FCF1: variants seen among roughly 807,000 people sequenced by gnomAD.
FCF1 encodes the protein FCF1 rRNA-processing protein, also known as rRNA-processing protein FCF1 homolog.
FCF1 carries 17 observed loss-of-function variants against 32.5 expected under a neutral mutation model. The ratio of observed to expected loss-of-function variants is 0.52; its 90% CI spans 0.36 to 0.78. FCF1 has a LOEUF of 0.78. Ranked by LOEUF, FCF1 falls within the 30% of genes least tolerant of loss-of-function variation. The pLI, the probability that FCF1 is intolerant of heterozygous loss-of-function variation, is 0.00. For synonymous variants in FCF1, 84 were observed against 78.4 expected (o/e 1.07, Z -0.38); for missense variants, 201 against 241.1 (o/e 0.83, Z 1.10).
intron 5 of FCF1, among the ~76,000 whole-genome samples, chr14:74,726,969 G>T (rs2090585155): frequency 6.6e-6 from 1 of 151,974 alleles, no homozygotes. Flanking sequence ...GTATTCCATG[G>T]TGTATATGTG....
chr14:74,727,847 C>T (rs2090593774), intron 5 of FCF1, among the ~76,000 whole-genome samples: 1 of 152,060 alleles, frequency 6.6e-6, no homozygotes, highest in Non-Finnish European at 1.5e-5. Flanking sequence ...TTTCCCAGCA[C>T]CATTTATTAA....
Position 74,713,197 on chromosome 14 carries a change from C to T in FCF1, c.-1C>T. The T allele has an allele frequency of 2.5e-6, 4 of 1,614,170 alleles. No individual in the cohort carries two copies. The highest frequency in any genetic ancestry group is 3.4e-6 in the Non-Finnish European group (4 of 1,180,048). ...GGAAGAACCAGGAGTTTGGCGTGAC[C>T]ATGGTGAGAGAAGACGGTCCAAGAA... On this transcript the variant is annotated 5_prime_UTR_variant, in exon 1 of 8. Coordinates refer to ENST00000341162, the MANE Select transcript of FCF1 (RefSeq NM_015962.5).
chr14:74,717,618 G>A (rs2090438824), intron 4 of FCF1, among the ~76,000 whole-genome samples: 1 of 152,204 alleles, frequency 6.6e-6, no homozygotes, highest in Non-Finnish European at 1.5e-5. Context: ...CTCTAAGAAT[G>A]AGGCTTGGGT....
intron 5 of FCF1, among the ~76,000 whole-genome samples, chr14:74,730,303 C>T (rs2090618573): frequency 6.7e-6 from 1 of 150,178 alleles, no homozygotes. Flanking sequence ...GCCTTGACCT[C>T]TCCGGCTCAA....
At chr14:74,724,911 AAAAG>A (rs1594787034) in intron 5 of FCF1, among the ~76,000 whole-genome samples, 1 of 152,122 alleles carries the variant, frequency 6.6e-6, no homozygotes, top group Middle Eastern at 3.2e-3. Context: ...TCTCAAAAAA[AAAAG>A]AAAGAAATTA....
chr14:74,723,800 C>T (rs1451968572), intron 5 of FCF1, among the ~76,000 whole-genome samples: 2 of 149,204 alleles, frequency 1.3e-5, no homozygotes, highest in Non-Finnish European at 3.0e-5. Flanking sequence ...TGCACTCCAG[C>T]CTGGGCAACA....
intron 5 of FCF1, among the ~76,000 whole-genome samples, chr14:74,729,485 TTCTG>T (rs2090608577): frequency 6.6e-6 from 1 of 152,226 alleles, no homozygotes; most frequent in Non-Finnish European, 1.5e-5. Flanking sequence ...TATTTGATTC[TTCTG>T]TCTTTTTTTC....
intron 6 of FCF1, 91 bp downstream of exon 6, chr14:74,732,909 A>C (rs538279081): frequency 1.3e-5 from 10 of 741,928 alleles, no homozygotes; most frequent in Non-Finnish European, 2.2e-5. Flanking sequence ...TAAAACATCT[A>C]GGAATATACA....
At chr14:74,723,443 T>C (rs1052708581) in intron 5 of FCF1, 99 bp downstream of exon 5, 9 of 858,678 alleles carry the variant, frequency 1.0e-5, no homozygotes, top group African/African-American at 7.0e-5. Flanking sequence ...GTGAAAATCA[T>C]ACAAAACTAT....
chr14:74,722,634 T>G (rs931591578), intron 4 of FCF1, among the ~76,000 whole-genome samples: 1 of 152,060 alleles, frequency 6.6e-6, no homozygotes, highest in African/African-American at 2.4e-5. Context: ...TGGTTCACAT[T>G]TAAATTTTAT....
chr14:74,729,847 C>T (rs528192284), intron 5 of FCF1, among the ~76,000 whole-genome samples: 15 of 152,228 alleles, frequency 9.9e-5, no homozygotes, highest in Non-Finnish European at 1.9e-4. Flanking sequence ...TTTCTGCCTT[C>T]ATTTCGTTAT....
At chr14:74,715,457 C>T (rs2090405591) in intron 3 of FCF1, among the ~76,000 whole-genome samples, 2 of 152,064 alleles carry the variant, frequency 1.3e-5, no homozygotes, top group South Asian at 4.1e-4. Context: ...TGATCCATGG[C>T]CTAGCATTTG....
chr14:74,734,270 T>C, intron 7 of FCF1, 100 bp downstream of exon 7: 1 of 683,774 alleles, frequency 1.5e-6, no homozygotes, highest in Non-Finnish European at 2.5e-6. Context: ...AAAGAAATTA[T>C]TGTATCAAAT....
chr14:74,734,504 A>T (rs2090680023), intron 7 of FCF1, among the ~76,000 whole-genome samples: 1 of 149,172 alleles, frequency 6.7e-6, no homozygotes, highest in Non-Finnish European at 1.5e-5. Context: ...TCATCTGAGA[A>T]ATGGAAAGCT....
Position 74,715,293 on chromosome 14 carries a change from ATTTATATAAAGATATGACC to A in FCF1, c.143+366_143+384del, listed in dbSNP as rs1313403919. Among the ~76,000 whole-genome samples, 5 of 152,174 alleles carry A rather than the reference ATTTATATAAAGATATGACC, an allele frequency of 3.3e-5. No individual in the cohort carries two copies. In the East Asian group the frequency reaches 9.6e-4, roughly 29 times the overall value. On this transcript the variant is annotated intron_variant, in intron 3 of 7. Transcript: ENST00000341162. ...TAAAATATATTTTCAGAATAAAGAT[ATTTATATAAAGATATGACC>A]TTTATATAAAGATATAAAGGTATTT...
chr14:74,719,910 A>G (rs545620342), intron 4 of FCF1, among the ~76,000 whole-genome samples: 1 of 152,032 alleles, frequency 6.6e-6, no homozygotes, highest in Non-Finnish European at 1.5e-5. Context: ...AGGCCGAAGC[A>G]CGCGGACTAC....
intron 5 of FCF1, among the ~76,000 whole-genome samples, chr14:74,731,104 G>A (rs566802710): frequency 1.8e-4 from 27 of 152,094 alleles, no homozygotes; most frequent in South Asian, 4.2e-4. Context: ...TAAAGTGCTG[G>A]GATTGTAGTC....
chr14:74,728,829 C>A (rs1012324602), intron 5 of FCF1, among the ~76,000 whole-genome samples: 12 of 152,114 alleles, frequency 7.9e-5, no homozygotes, highest in African/African-American at 2.9e-4. Flanking sequence ...TGACTTTTGC[C>A]AAAGGCCTTT....
chr14:74,713,866 C>T (rs2090371842), intron 2 of FCF1, among the ~76,000 whole-genome samples: 1 of 152,184 alleles, frequency 6.6e-6, no homozygotes, highest in Non-Finnish European at 1.5e-5. Flanking sequence ...CATTACACTA[C>T]TACATTCCCC....
Sources: allele counts gnomAD v4.1 joint callset (sites outside exome capture counted in the v4.1 genomes callset), GRCh38; gene constraint gnomAD v4.1.1; transcripts MANE v1.5; gene names NCBI Gene and HGNC (gene_info 2026-07-23, HGNC 2026-07-21).